HS6ST3: variants seen among roughly 807,000 people sequenced by gnomAD.
HS6ST3 encodes heparan sulfate 6-O-sulfotransferase 3.
In HS6ST3, 12 loss-of-function variants were observed where a neutral mutation model predicts 36.7. The ratio of observed to expected loss-of-function variants is 0.33; its 90% CI spans 0.21 to 0.53. The LOEUF is 0.53. Among genes scored for constraint, HS6ST3 ranks in the 20% least tolerant of loss-of-function variants. The pLI is 0.95. For synonymous variants in HS6ST3, 240 were observed against 257.5 expected, an observed-to-expected ratio of 0.93 and a Z score of 0.65; for missense variants, 584 against 640.9, an observed-to-expected ratio of 0.91 and a Z score of 0.96.
chr13:96,366,559 T>TGA (rs2055264143), intron 1 of HS6ST3, among the ~76,000 whole-genome samples: 1 of 152,144 alleles, frequency 6.6e-6, no homozygotes, highest in Non-Finnish European at 1.5e-5. Context: ...GAGTCTAGGC[T>TGA]GGTGGTTCTC....
In HS6ST3 at chr13:96,091,773, G is replaced by A. The variant is rs542431012; in HGVS notation, c.707+204G>A. 5.6e-4 allele frequency among the ~76,000 whole-genome samples: 85 copies of A among 151,938 alleles called. 1 individual carries two copies. Among genetic ancestry groups the A allele is most frequent in the Non-Finnish European group, 1.2e-3 (80 of 67,974 alleles). Reference sequence around the variant, plus strand: ...ACTCGTTCTTCCCCCAGCCCCCACCGCTTCCCGCCACCCCTCTGCCTTCAC... The same window carrying A: ...ACTCGTTCTTCCCCCAGCCCCCACCACTTCCCGCCACCCCTCTGCCTTCAC... On this transcript the variant is annotated intron_variant, in intron 1 of 1. Coordinates refer to ENST00000376705, the MANE Select transcript of HS6ST3 (RefSeq NM_153456.4).
At chr13:96,773,866 C>T (rs192938057) in intron 1 of HS6ST3, among the ~76,000 whole-genome samples, 13 of 152,306 alleles carry the variant, frequency 8.5e-5, no homozygotes, top group South Asian at 2.1e-4. Flanking sequence ...TCCCTGACCC[C>T]TGTGTCTCCT....
intron 1 of HS6ST3, among the ~76,000 whole-genome samples, chr13:96,782,663 G>A (rs1167255266): frequency 1.3e-5 from 2 of 152,104 alleles, no homozygotes; most frequent in African/African-American, 4.8e-5. Flanking sequence ...CTTGCCCTGA[G>A]ATAAAATTAT....
At chr13:96,646,090 A>C (rs1444214058) in intron 1 of HS6ST3, among the ~76,000 whole-genome samples, 2 of 152,040 alleles carry the variant, frequency 1.3e-5, no homozygotes, top group Admixed American at 1.3e-4. Context: ...AAACAGACGG[A>C]CCAGTAATAA....
At chr13:96,673,243 G>A (rs2056688147) in intron 1 of HS6ST3, among the ~76,000 whole-genome samples, 1 of 152,032 alleles carries the variant, frequency 6.6e-6, no homozygotes, top group Admixed American at 6.6e-5. Context: ...GGCTCTTAGG[G>A]TCCGCCTGAT....
intron 1 of HS6ST3, among the ~76,000 whole-genome samples, chr13:96,258,573 A>C (rs1246161749): frequency 6.6e-6 from 1 of 152,108 alleles, no homozygotes; most frequent in Non-Finnish European, 1.5e-5. Flanking sequence ...TAAAGATTAA[A>C]CAAGATCATG....
intron 1 of HS6ST3, among the ~76,000 whole-genome samples, chr13:96,244,562 T>C (rs1305819482): frequency 2.0e-5 from 3 of 152,214 alleles, no homozygotes; most frequent in Admixed American, 1.3e-4. Flanking sequence ...TGCTTAATCC[T>C]ATCACAATAC....
chr13:96,167,387 C>T (rs1282744399), intron 1 of HS6ST3, among the ~76,000 whole-genome samples: 1 of 152,128 alleles, frequency 6.6e-6, no homozygotes, highest in Non-Finnish European at 1.5e-5. Context: ...ATCATAATTC[C>T]AGTGTTTGTT....
At chr13:96,659,138 C>A (rs2056637473) in intron 1 of HS6ST3, among the ~76,000 whole-genome samples, 1 of 152,200 alleles carries the variant, frequency 6.6e-6, no homozygotes, top group South Asian at 2.1e-4. Context: ...CTTCCTTTAG[C>A]AAGATATGAA....
At chr13:96,120,114 G>A (rs2053918293) in intron 1 of HS6ST3, among the ~76,000 whole-genome samples, 1 of 152,174 alleles carries the variant, frequency 6.6e-6, no homozygotes, top group Non-Finnish European at 1.5e-5. Flanking sequence ...CAGGAAGAAT[G>A]CCCTGTGAGA....
intron 1 of HS6ST3, among the ~76,000 whole-genome samples, chr13:96,209,399 T>C (rs2054387541): frequency 6.6e-6 from 1 of 152,154 alleles, no homozygotes; most frequent in East Asian, 1.9e-4. Flanking sequence ...TGGTTGGTGC[T>C]CCCCAGCTTT....
intron 1 of HS6ST3, among the ~76,000 whole-genome samples, chr13:96,629,323 G>A (rs2056523835): frequency 6.6e-6 from 1 of 152,060 alleles, no homozygotes. Flanking sequence ...TGTCATATAT[G>A]TGCCAATATC....
At chr13:96,380,683 C>A (rs1474323442) in intron 1 of HS6ST3, among the ~76,000 whole-genome samples, 3 of 152,174 alleles carry the variant, frequency 2.0e-5, no homozygotes, top group Non-Finnish European at 4.4e-5. Context: ...TCAGAAAAAT[C>A]TAGCCGCTAA....
intron 1 of HS6ST3, among the ~76,000 whole-genome samples, chr13:96,678,210 TACA>T (rs2056705867): frequency 6.6e-6 from 1 of 152,172 alleles, no homozygotes; most frequent in Admixed American, 6.5e-5. Flanking sequence ...AACACACTAC[TACA>T]ATAGCAGCAT....
At chr13:96,158,550 G>T (rs890543589) in intron 1 of HS6ST3, among the ~76,000 whole-genome samples, 1 of 151,082 alleles carries the variant, frequency 6.6e-6, no homozygotes, top group African/African-American at 2.4e-5. Flanking sequence ...CTACTCGGGA[G>T]GCTGAGGCAG....
At chr13:96,133,378 G>A (rs913172248) in intron 1 of HS6ST3, among the ~76,000 whole-genome samples, 11 of 150,526 alleles carry the variant, frequency 7.3e-5, no homozygotes, top group African/African-American at 2.7e-4. Context: ...CGCCCGCCTC[G>A]GTCTCCCAAA....
At position 96,799,992 on chromosome 13, in the gene HS6ST3, A is replaced by ATGTG. The variant is rs1555325258; in HGVS notation, c.708-32497_708-32496insGTGT. Among the ~76,000 whole-genome samples the ATGTG allele has an allele frequency of 2.4e-5, 3 of 122,760 alleles. 1 individual carries two copies. The highest frequency in any genetic ancestry group is 1.2e-4 in the African/African-American group (3 of 24,414). 80.5% of individuals were successfully genotyped at this position (122,760 alleles called of 152,430 possible). A position where few individuals can be genotyped will look rare whatever the true frequency, so the allele number is the denominator to read the frequency against. ...TATATATATATATATGTATATATAT[A>ATGTG]TATATGTATATATATATATATGTAT... is the stretch of plus-strand genomic sequence containing the variant. On this transcript the variant is annotated intron_variant, in intron 1 of 1. Coordinates refer to ENST00000376705, the MANE Select transcript of HS6ST3 (RefSeq NM_153456.4).
chr13:96,453,017 C>T (rs915176650), intron 1 of HS6ST3, among the ~76,000 whole-genome samples: 1 of 151,928 alleles, frequency 6.6e-6, no homozygotes, highest in Non-Finnish European at 1.5e-5. Context: ...GCCCCTCTAC[C>T]TCCAAGTCCC....
chr13:96,113,145 A>C (rs2053878605), intron 1 of HS6ST3, among the ~76,000 whole-genome samples: 1 of 152,176 alleles, frequency 6.6e-6, no homozygotes, highest in Non-Finnish European at 1.5e-5. Context: ...TCAGGGCTTA[A>C]ATCACCATCC....
Sources: gnomAD v4.1 joint callset for allele counts (sites outside exome capture counted in the v4.1 genomes callset) on GRCh38, gnomAD v4.1.1 for gene constraint, MANE v1.5 for transcripts, NCBI Gene and HGNC (gene_info 2026-07-23, HGNC 2026-07-21) for gene names.